ZBTB44: variants seen among roughly 807,000 people sequenced by gnomAD.
ZBTB44 encodes the protein zinc finger and BTB domain-containing protein 44.
In ZBTB44, 15 loss-of-function variants were observed where a neutral mutation model predicts 54.0. The observed-to-expected ratio is 0.28, with a 90% confidence interval of 0.19 to 0.43. The LOEUF is 0.43. Ranked by LOEUF, ZBTB44 falls within the 20% of genes least tolerant of loss-of-function variation. ZBTB44 has a pLI of 1.00. For synonymous variants in ZBTB44, 230 were observed against 250.1 expected, an observed-to-expected ratio of 0.92 and a Z score of 0.76; for missense variants, 487 against 707.1, an observed-to-expected ratio of 0.69 and a Z score of 3.53.
At chr11:130,285,289 T>TG (rs1940872228) in intron 1 of ZBTB44, 1 of 149,704 alleles carries the variant, frequency 6.7e-6, no homozygotes, top group Non-Finnish European at 1.5e-5. Flanking sequence ...ATTCTTGTTT[T>TG]CTTTTTTTTT....
chr11:130,286,786 T>A (rs1447799800), intron 1 of ZBTB44, among the ~76,000 whole-genome samples: 2 of 152,230 alleles, frequency 1.3e-5, no homozygotes. Context: ...CATGGTTATA[T>A]GACTGTAGTG....
chr11:130,244,029 C>T (rs111563304), intron 2 of ZBTB44, among the ~76,000 whole-genome samples: 1,968 of 152,224 alleles, frequency 0.013, 46 homozygotes, highest in African/African-American at 0.045. Context: ...AGTTGATCAA[C>T]CAAAGCCCAT....
chr11:130,300,306 T>C lies in ZBTB44; in HGVS notation c.-57+14069A>G, dbSNP rs181936901. Among the ~76,000 whole-genome samples, 24 of 152,138 alleles carry C rather than the reference T, an allele frequency of 1.6e-4. No homozygotes were observed. The East Asian group carries it at 4.6e-3, about 29-fold the overall frequency. ...ACTGTACCCTTAAAAATGGTTATGATGGCAAATTTTATGTTACGTGTATTT... is the reference window on the plus strand; with the variant it reads ...ACTGTACCCTTAAAAATGGTTATGACGGCAAATTTTATGTTACGTGTATTT... On this transcript the variant is annotated intron_variant, in intron 1 of 7. Transcript: ENST00000357899.
intron 1 of ZBTB44, among the ~76,000 whole-genome samples, chr11:130,303,548 T>C (rs1011492541): frequency 3.9e-5 from 6 of 152,050 alleles, no homozygotes; most frequent in South Asian, 2.1e-4. Flanking sequence ...GGCAGGAAAA[T>C]TGCTTGAAGC....
chr11:130,286,080 T>C (rs887503095), intron 1 of ZBTB44, among the ~76,000 whole-genome samples: 1 of 152,158 alleles, frequency 6.6e-6, no homozygotes, highest in Non-Finnish European at 1.5e-5. Flanking sequence ...ACTAAAAAGA[T>C]TGATGTGGAA....
intron 1 of ZBTB44, among the ~76,000 whole-genome samples, chr11:130,303,503 C>T (rs983000967): frequency 1.7e-4 from 26 of 151,898 alleles, no homozygotes; most frequent in African/African-American, 5.1e-4. Context: ...GGCGTGGTGG[C>T]GCATGCCTGT....
At chr11:130,263,674 C>CA (rs1565661525) in intron 1 of ZBTB44, among the ~76,000 whole-genome samples, 4 of 152,196 alleles carry the variant, frequency 2.6e-5, no homozygotes, top group Non-Finnish European at 5.9e-5. Context: ...AAGTGAGGCA[C>CA]AAGGGCACCT....
intron 2 of ZBTB44, among the ~76,000 whole-genome samples, chr11:130,254,086 T>G (rs973539212): frequency 6.6e-6 from 1 of 152,186 alleles, no homozygotes. Context: ...ATTAAAGACT[T>G]AAATGTTAGA....
Position 130,261,131 on chromosome 11 carries a change from G to A in ZBTB44, c.743C>T (p.Ala248Val), listed in dbSNP as rs139630658. ...RRIQPEKVKQ[A>V]ENTRTLELPG... is the part of the protein sequence containing the mutation. ...TAATTCTAAAGTCCGGGTATTTTCT[G>A]CTTGCTTAACTTTCTCAGGCTGAAT... is the stretch of plus-strand genomic sequence containing the variant. Residue 248 changes from alanine (A) to valine (V), a missense_variant, in exon 2 of 8, where the codon GCA (alanine) becomes GTA (valine). By Grantham distance (64) the Ala-to-Val change is moderately conservative (BLOSUM62 0). Around this residue, in one of 3 missense-constraint regions of ZBTB44, gnomAD observed 277 missense variants for 306.5 expected, o/e 0.90. Transcript: ENST00000357899. This position sits in a 1 kb window ranked among gnomAD's most constrained non-coding sequence, Gnocchi z 4.8. The A allele has an allele frequency of 1.6e-4, 255 of 1,613,946 alleles. No homozygotes were observed. The East Asian group carries it at 3.6e-3, about 23-fold the overall frequency.
In ZBTB44 at chr11:130,234,519, T is replaced by C. The variant is rs1366186337; in HGVS notation, c.1569-246A>G. On this transcript the variant is annotated intron_variant, in intron 5 of 7. Transcript: ENST00000357899. ...TACATCAGGTTAATTATCACTTTCA[T>C]TATAACTCTGGACACCTTAACAGCC... is the stretch of plus-strand genomic sequence containing the variant. 3.9e-5 allele frequency among the ~76,000 whole-genome samples: 6 copies of C among 152,230 alleles called. No homozygotes were observed. The East Asian group carries it at 9.6e-4, about 24-fold the overall frequency.
chr11:130,283,962 T>C (rs963574597), intron 1 of ZBTB44, among the ~76,000 whole-genome samples: 5 of 73,308 alleles, frequency 6.8e-5, no homozygotes, highest in Admixed American at 6.6e-4. Context: ...AGAGTAAGAC[T>C]CCATCTCAAA....
At chr11:130,233,666 G>A in intron 6 of ZBTB44, 4 of 1,257,750 alleles carry the variant, frequency 3.2e-6, no homozygotes, top group Non-Finnish European at 4.0e-6. Flanking sequence ...ATAATCATCT[G>A]ATTTCCTCTC....
At chr11:130,256,984 GTC>G (rs1380389202) in intron 2 of ZBTB44, among the ~76,000 whole-genome samples, 2 of 152,008 alleles carry the variant, frequency 1.3e-5, no homozygotes, top group Non-Finnish European at 2.9e-5. Context: ...AGGTCAAATT[GTC>G]TCTGTTTGCA....
At chr11:130,236,679 A>G in intron 5 of ZBTB44, 114 bp downstream of exon 5, 1 of 1,138,744 alleles carries the variant, frequency 8.8e-7, no homozygotes. Flanking sequence ...ATCCGTAACA[A>G]ATGTGACTGA....
At chr11:130,240,166 C>T (rs1314824703) in intron 2 of ZBTB44, among the ~76,000 whole-genome samples, 2 of 151,830 alleles carry the variant, frequency 1.3e-5, no homozygotes, top group African/African-American at 2.4e-5. Context: ...CTCAGCCTCC[C>T]GAGTAGCTGG....
In ZBTB44 at chr11:130,260,844, A is replaced by C; in HGVS notation, c.1018+12T>G. 2 of 1,574,556 alleles carry C rather than the reference A, an allele frequency of 1.3e-6. No homozygotes were observed. Among genetic ancestry groups the C allele is most frequent in the South Asian group, 2.4e-5 (2 of 85,058 alleles). ...CTTTATAGCACCAAGAAAAACACAG[A>C]AGGCATTATACCTATAGAGGAAGAC... On this transcript the variant is annotated intron_variant, in intron 2 of 7. Transcript: ENST00000357899.
chr11:130,290,582 G>A (rs758986074), intron 1 of ZBTB44, among the ~76,000 whole-genome samples: 3 of 151,988 alleles, frequency 2.0e-5, no homozygotes, highest in African/African-American at 2.4e-5. Flanking sequence ...CAGTCTCACC[G>A]GCCTTATATT....
chr11:130,288,156 T>A (rs1941080903), intron 1 of ZBTB44, among the ~76,000 whole-genome samples: 1 of 152,024 alleles, frequency 6.6e-6, no homozygotes, highest in African/African-American at 2.4e-5. Flanking sequence ...GCAGATCACC[T>A]GAGGTCAGGA....
chr11:130,251,342 G>A (rs901120172), intron 2 of ZBTB44, among the ~76,000 whole-genome samples: 7 of 152,144 alleles, frequency 4.6e-5, no homozygotes, highest in African/African-American at 1.7e-4. Context: ...AAAGTGACAG[G>A]GAGAAATGAA....
Sources: allele counts gnomAD v4.1 joint callset (sites outside exome capture counted in the v4.1 genomes callset), GRCh38; gene constraint gnomAD v4.1.1; regional missense constraint gnomAD v4.1.1; non-coding constraint Gnocchi (gnomAD v3.1); transcripts MANE v1.5; gene names NCBI Gene and HGNC (gene_info 2026-07-23, HGNC 2026-07-21).